The following COL9A3 variants were observed in gnomAD, a reference collection of about 807,000 sequenced individuals.
COL9A3 encodes the protein collagen type IX alpha 3 chain.
In COL9A3, 82 loss-of-function variants were observed where a neutral mutation model predicts 110.2. The observed-to-expected ratio is 0.74, with a 90% confidence interval of 0.62 to 0.89. The LOEUF (loss-of-function observed/expected upper bound fraction) is 0.89. COL9A3 is among the 40% of genes least tolerant of loss of function. The pLI is 0.00. For synonymous variants in COL9A3, 494 were observed against 403.8 expected (o/e 1.22, Z -2.68); for missense variants, 1,066 against 981.3 (o/e 1.09, Z -1.15).
intron 26 of COL9A3, among the ~76,000 whole-genome samples, chr20:62,834,352 C>G (rs1476954993): frequency 6.6e-6 from 1 of 152,238 alleles, no homozygotes; most frequent in East Asian, 1.9e-4. Context: ...TTCCACAGGC[C>G]TAAAACTCAG....
intron 29 of COL9A3, 198 bp downstream of exon 29, chr20:62,836,730 C>T: frequency 1.5e-6 from 1 of 651,724 alleles, no homozygotes; most frequent in Non-Finnish European, 2.6e-6. Context: ...ATGGCCCACG[C>T]TCCCGCCCCG....
intron 9 of COL9A3, 142 bp downstream of exon 9, chr20:62,822,306 G>T: frequency 1.4e-6 from 1 of 724,222 alleles, no homozygotes. Context: ...AACAGTCAAT[G>T]GTGGGGGCAG....
intron 20 of COL9A3, 64 bp from the exon 21 acceptor site, chr20:62,829,564 G>C: frequency 1.2e-6 from 2 of 1,611,430 alleles, no homozygotes; most frequent in South Asian, 2.2e-5. Context: ...AAGGGGCTGG[G>C]GGGCCAGCGA....
chr20:62,826,810 C>G lies in COL9A3; in HGVS notation c.782C>G (p.Pro261Arg). The G allele has an allele frequency of 6.2e-7, 1 of 1,612,866 alleles. No individual in the cohort carries two copies. The highest frequency in any genetic ancestry group is 8.5e-7 in the Non-Finnish European group (1 of 1,179,962). ...GGGCCGCCTGGGATCCCAGGAGCGC[C>G]TGGGAAAGCGGTACGTGTGTCAGTG... is the stretch of plus-strand genomic sequence containing the variant. Reference protein sequence around the residue: ...FRGPPGIPGAPGKAGDRGERG... With the variant: ...FRGPPGIPGARGKAGDRGERG... The change falls in exon 15 of 32, where the codon CCT (proline) becomes CGT (arginine). Residue 261 changes from proline to arginine, a missense_variant. Transcript: ENST00000649368.
chr20:62,836,679 C>A (rs1459038598), intron 29 of COL9A3, 147 bp downstream of exon 29: 2 of 856,698 alleles, frequency 2.3e-6, no homozygotes, highest in Non-Finnish European at 3.5e-6. Context: ...CCTTGGGGGT[C>A]CACGTCCGCC....
intron 31 of COL9A3, 129 bp from the exon 32 acceptor site, chr20:62,840,413 C>A: frequency 1.1e-6 from 1 of 900,506 alleles, no homozygotes; most frequent in Non-Finnish European, 1.8e-6. Flanking sequence ...GGCCTCCCCA[C>A]CCGCTGTGGC....
rs1241924456 is a variant in COL9A3, at chr20:62,818,504, G to A, written c.148-14G>A. ...CTGATTTTCAGGGTTACATGTGGGT[G>A]TCTTTCCTCACAGGGAGAAGCTGGT... On this transcript the variant is annotated splice_polypyrimidine_tract_variant and intron_variant, in intron 2 of 31. Transcript: ENST00000649368. 2.5e-6 allele frequency: 4 copies of A among 1,612,696 alleles called. No homozygotes were observed. Among genetic ancestry groups the A allele is most frequent in the East Asian group, 2.2e-5 (1 of 44,890 alleles).
In COL9A3 at chr20:62,827,907, C is replaced by T. The variant is rs188924459; in HGVS notation, c.847-16C>T. 6.5e-4 allele frequency: 1,046 copies of T among 1,612,904 alleles called. 7 individuals carry two copies. The Middle Eastern group carries it at 0.015, about 23-fold the overall frequency. ...GAAGAGACTGCCACTGCTTCTGTCACTTGTGTGTCCTCTAGGGCAGACCTG... is the reference window on the plus strand; with the variant it reads ...GAAGAGACTGCCACTGCTTCTGTCATTTGTGTGTCCTCTAGGGCAGACCTG... On this transcript the variant is annotated splice_polypyrimidine_tract_variant and intron_variant, in intron 16 of 31. Transcript: ENST00000649368.
At position 62,825,666 on chromosome 20, in the gene COL9A3, G is replaced by A; in HGVS notation, c.631-151G>A. The A allele has an allele frequency of 6.3e-6, 5 of 788,556 alleles. No homozygotes were observed. In the South Asian group the frequency reaches 7.5e-5, roughly 12 times the overall value. 48.8% of individuals were successfully genotyped at this position (788,556 alleles called of 1,614,324 possible). A position where few individuals can be genotyped will look rare whatever the true frequency, so the allele number is the denominator to read the frequency against. The stretch of plus-strand genomic sequence containing the variant: ...CTCGCGGGACTGCTCTGGAACTGTG[G>A]GCAAGTGTCCCCTTCACAGAGCCTC... On this transcript the variant is annotated intron_variant, in intron 12 of 31. Transcript: ENST00000649368.
chr20:62,820,720 G>T (rs1312739520), intron 5 of COL9A3, among the ~76,000 whole-genome samples: 2 of 152,208 alleles, frequency 1.3e-5, no homozygotes, highest in South Asian at 2.1e-4. Flanking sequence ...CTCAGCACAG[G>T]GCCCGTGCGT....
upstream of COL9A3, among the ~76,000 whole-genome samples, chr20:62,816,640 C>G (rs56727075): frequency 9.6e-3 from 1,463 of 152,186 alleles, 39 homozygotes; most frequent in African/African-American, 0.034. Flanking sequence ...CGCCTGGGTC[C>G]GCTCCGGCGC....
chr20:62,817,465 G>C, intron 1 of COL9A3, 102 bp from the exon 2 acceptor site: 1 of 817,678 alleles, frequency 1.2e-6, no homozygotes, highest in Non-Finnish European at 2.0e-6. Context: ...GGAGAGCGGC[G>C]GTCGTCGCAG....
intron 17 of COL9A3, 150 bp from the exon 18 acceptor site, chr20:62,828,614 C>A: frequency 2.2e-6 from 2 of 920,886 alleles, no homozygotes; most frequent in Non-Finnish European, 3.4e-6. Flanking sequence ...TGCCACACGG[C>A]CACCTTGGTC....
intron 1 of COL9A3, chr20:62,817,353 C>G: frequency 2.0e-6 from 1 of 505,840 alleles, no homozygotes; most frequent in Non-Finnish European, 3.3e-6. Context: ...CCGCCGCCTC[C>G]TCTGGGAGCA....
intron 10 of COL9A3, among the ~76,000 whole-genome samples, chr20:62,823,722 G>A (rs553894115): frequency 6.2e-4 from 94 of 152,360 alleles, no homozygotes; most frequent in African/African-American, 2.1e-3. Context: ...CTGAGCATCA[G>A]ACCTGTTGCC....
Position 62,827,269 on chromosome 20 carries a change from G to C in COL9A3, c.821G>C (p.Gly274Ala). The C allele has an allele frequency of 1.9e-6, 3 of 1,613,248 alleles. No homozygotes were observed. Among genetic ancestry groups the C allele is most frequent in the African/African-American group, 2.7e-5 (2 of 75,062 alleles). Reference sequence around the variant, plus strand: ...GACCGAGGCGAGAGGGGCCCAGAAGGGTTCCGCGGCCCCAAGGGTGACCTC... The same window carrying C: ...GACCGAGGCGAGAGGGGCCCAGAAGCGTTCCGCGGCCCCAAGGGTGACCTC... Reference protein sequence around the residue: ...AGDRGERGPEGFRGPKGDLGR... With the variant: ...AGDRGERGPEAFRGPKGDLGR... Residue 274 changes from glycine (G) to alanine (A), a missense_variant, in exon 16 of 32, where the codon GGG (glycine) becomes GCG (alanine). Coordinates refer to ENST00000649368, the MANE Select transcript of COL9A3 (RefSeq NM_001853.4).
upstream of COL9A3, among the ~76,000 whole-genome samples, chr20:62,816,810 G>A (rs554087440): frequency 5.6e-3 from 854 of 152,272 alleles, 9 homozygotes; most frequent in Non-Finnish European, 4.9e-3. Flanking sequence ...TGTGTGCAAC[G>A]CGCCAGTCCC....
intron 4 of COL9A3, 99 bp from the exon 5 acceptor site, chr20:62,819,830 T>C (rs530378410): frequency 6.7e-6 from 9 of 1,345,070 alleles, no homozygotes; most frequent in East Asian, 2.3e-5. Flanking sequence ...TATGCCTCTC[T>C]GGACTCACCA....
At chr20:62,821,160 A>ACGC in intron 5 of COL9A3, 21 bp from the exon 6 acceptor site, 1 of 1,612,292 alleles carries the variant, frequency 6.2e-7, no homozygotes, top group South Asian at 1.1e-5. Context: ...CCCAACCTAG[A>ACGC]CGCCTGCTTT....
Sources: gnomAD v4.1 joint callset for allele counts (sites outside exome capture counted in the v4.1 genomes callset) on GRCh38, gnomAD v4.1.1 for gene constraint, MANE v1.5 for transcripts, NCBI Gene and HGNC (gene_info 2026-07-23, HGNC 2026-07-21) for gene names.